Variants in DGKQ observed in about 807,000 individuals in gnomAD.
DGKQ encodes the protein DAG kinase theta.
A neutral mutation model predicts 104.2 loss-of-function variants in DGKQ; 97 were observed. The ratio of observed to expected loss-of-function variants is 0.93; its 90% CI spans 0.79 to 1.10. The LOEUF (loss-of-function observed/expected upper bound fraction) is 1.10. DGKQ is among the 50% of genes least tolerant of loss of function. The probability of loss-of-function intolerance (pLI) is 0.00; values close to 1 mark genes in which losing one functional copy is unlikely to be tolerated. For synonymous variants in DGKQ, 736 were observed against 595.2 expected, an observed-to-expected ratio of 1.24 and a Z score of -3.44; for missense variants, 1,465 against 1,352.1, an observed-to-expected ratio of 1.08 and a Z score of -1.31.
chr4:968,721 CCT>C, intron 3 of DGKQ, 88 bp downstream of exon 3: 2 of 1,390,302 alleles, frequency 1.4e-6, no homozygotes, highest in Non-Finnish European at 2.0e-6. Context: ...CCCCATCACC[CCT>C]GACAAGCTGC....
chr4:964,844 T>C (rs1712176663), intron 15 of DGKQ, among the ~76,000 whole-genome samples: 1 of 152,012 alleles, frequency 6.6e-6, no homozygotes, highest in Non-Finnish European at 1.5e-5. Flanking sequence ...CTGCGTCCTG[T>C]GGGCCTCCCT....
In DGKQ at chr4:967,732, C is replaced by T. The variant is rs926930746; in HGVS notation, c.882G>A (p.Glu294=). 1.9e-6 allele frequency: 3 copies of T among 1,611,246 alleles called. No individual in the cohort carries two copies. Among genetic ancestry groups the T allele is most frequent in the South Asian group, 2.2e-5 (2 of 90,966 alleles). ...GGGAATGAGGCGGGCACTTACCGGA[C>T]TCCGGAGTTGCCTGTGTCTCTCTGC... is the stretch of plus-strand genomic sequence containing the variant. The part of the protein sequence containing the change: ...GPGRETQATP[E]SGKQTLKIFD... The change falls in exon 7 of 23, where the codon GAG becomes GAA. Residue 294 remains glutamate, a synonymous_variant. Coordinates refer to ENST00000273814, the MANE Select transcript of DGKQ (RefSeq NM_001347.4).
rs79567290 is a variant in DGKQ at position 971,500 on chromosome 4, T to C, written c.272-428A>G. On this transcript the variant is annotated intron_variant, in intron 1 of 22. Transcript: ENST00000273814. The surrounding 1 kb of genome is among the most constrained non-coding windows in gnomAD (Gnocchi z 4.0). ...CCCCCGAAACTACGCATACCCCTAATTGTCCCTGCTACGTGCTGTGCACCG... is the reference window on the plus strand; with the variant it reads ...CCCCCGAAACTACGCATACCCCTAACTGTCCCTGCTACGTGCTGTGCACCG... Among the ~76,000 whole-genome samples, 639 of 152,268 alleles carry C rather than the reference T, an allele frequency of 4.2e-3. 2 individuals are homozygous for C. The highest frequency in any genetic ancestry group is 0.014 in the African/African-American group (598 of 41,552).
chr4:960,982 C>A, intron 22 of DGKQ, 67 bp downstream of exon 22: 2 of 1,587,022 alleles, frequency 1.3e-6, no homozygotes, highest in South Asian at 1.1e-5. Context: ...CTGGGTACCA[C>A]TGGCCACTCC....
At chr4:968,954 G>A (rs752827437) in intron 2 of DGKQ, 44 bp from the exon 3 acceptor site, 1 of 1,301,602 alleles carries the variant, frequency 7.7e-7, no homozygotes. Flanking sequence ...AAGGGCAACA[G>A]GCTGCCCGCC....
chr4:967,700 A>T (rs1712520973), intron 7 of DGKQ, 28 bp downstream of exon 7: 1 of 1,611,254 alleles, frequency 6.2e-7, no homozygotes, highest in Non-Finnish European at 8.5e-7. Context: ...ACCTCAGTGG[A>T]GTTGGGGGGA....
At chr4:968,971 C>G in intron 2 of DGKQ, 61 bp from the exon 3 acceptor site, 1 of 1,100,762 alleles carries the variant, frequency 9.1e-7, no homozygotes. Flanking sequence ...CGCCACCCCT[C>G]CTCGCTCTTC....
rs1713113077 is a variant in DGKQ, at chr4:973,520, C to T, written c.-38G>A. 1.0e-6 allele frequency: 1 copy of T among 986,170 alleles called. No homozygotes were observed. Among genetic ancestry groups the T allele is most frequent in the Non-Finnish European group, 1.2e-6 (1 of 830,688 alleles). The allele number at this position is 986,170 out of a possible 1,614,324, so 61.1% of individuals were successfully genotyped here. Reference sequence around the variant, plus strand: ...CGGCCCGAGCCCCTTTAGGTCCGCGCCGGGGGTACAGGAGCCGCCGCTCCA... The same window carrying T: ...CGGCCCGAGCCCCTTTAGGTCCGCGTCGGGGGTACAGGAGCCGCCGCTCCA... On this transcript the variant is annotated 5_prime_UTR_variant, in exon 1 of 23. Coordinates refer to ENST00000273814, the MANE Select transcript of DGKQ (RefSeq NM_001347.4).
chr4:960,434 CAT>C lies in DGKQ; in HGVS notation c.*184_*185del, dbSNP rs769750390. ...AGTGGGATGAGGGCTGTGACACCAA[CAT>C]GTGTCACCAATGGGATGAGGGCGGG... On this transcript the variant is annotated 3_prime_UTR_variant, in exon 23 of 23. Transcript: ENST00000273814. The C allele has an allele frequency of 9.8e-5, 59 of 605,070 alleles. No individual in the cohort carries two copies. The highest frequency in any genetic ancestry group is 8.1e-4 in the Middle Eastern group (2 of 2,472). The allele number at this position is 605,070 out of a possible 1,614,324, so 37.5% of individuals were successfully genotyped here.
chr4:961,057 C>T lies in DGKQ; in HGVS notation c.2719G>A (p.Gly907Ser). The change falls in exon 22 of 23, where the codon GGC becomes AGC. Residue 907 changes from glycine (G) to serine (S), a missense_variant. By Grantham distance (56) the Gly-to-Ser change is moderately conservative. Coordinates refer to ENST00000273814, the MANE Select transcript of DGKQ (RefSeq NM_001347.4). Reference sequence around the variant, plus strand: ...AGCCTCACCCCACATACCTTAGGGCCAGCAGCTGAGATGATCATGTGCCCC... The same window carrying T: ...AGCCTCACCCCACATACCTTAGGGCTAGCAGCTGAGATGATCATGTGCCCC... ...APGHMIISAA[G>S]PKVHMLRKAK... The T allele has an allele frequency of 6.2e-7, 1 of 1,612,288 alleles. No homozygotes were observed. Among genetic ancestry groups the T allele is most frequent in the Non-Finnish European group, 8.5e-7 (1 of 1,179,656 alleles).
Position 961,838 on chromosome 4 carries a change from C to G in DGKQ, c.2316-4G>C, listed in dbSNP as rs778052319. 2.5e-6 allele frequency: 4 copies of G among 1,592,170 alleles called. No homozygotes were observed. The African/African-American group carries it at 5.4e-5, about 21-fold the overall frequency. Reference sequence around the variant, plus strand: ...GTACACACCCTTGTTGTGCAGCCTGCAGGACGGGGCAGGTCACCCATCACC... The same window carrying G: ...GTACACACCCTTGTTGTGCAGCCTGGAGGACGGGGCAGGTCACCCATCACC... On this transcript the variant is annotated splice_region_variant and splice_polypyrimidine_tract_variant and intron_variant, in intron 19 of 22. Coordinates refer to ENST00000273814, the MANE Select transcript of DGKQ (RefSeq NM_001347.4).
chr4:969,254 C>A (rs3755958), intron 2 of DGKQ, among the ~76,000 whole-genome samples: 14,441 of 152,234 alleles, frequency 0.095, 945 homozygotes, highest in South Asian at 0.21. Flanking sequence ...CCCTGCCTAG[C>A]GCAGGGGAGC....
Position 968,302 on chromosome 4 carries a change from A to G in DGKQ, c.643T>C (p.Cys215Arg). The G allele has an allele frequency of 9.5e-7, 1 of 1,056,488 alleles. No homozygotes were observed. The highest frequency in any genetic ancestry group is 1.2e-6 in the Non-Finnish European group (1 of 869,256). The allele number at this position is 1,056,488 out of a possible 1,614,324, so 65.4% of individuals were successfully genotyped here. A position where few individuals can be genotyped will look rare whatever the true frequency, so the allele number is the denominator to read the frequency against. The part of the protein sequence containing the change: ...GSSDVLAGVR[C>R]EWCGVQAHSL... ...CCCACCTGGACCCCGCACCACTCGC[A>G]GCGCACGCCGGCCAGCACGTCAGAG... The change falls in exon 5 of 23, where the codon TGC becomes CGC. Residue 215 changes from cysteine (C) to arginine (R), a missense_variant. Transcript: ENST00000273814.
At position 965,917 on chromosome 4, in the gene DGKQ, A is replaced by T. The variant is rs1268303039; in HGVS notation, c.1579+11T>A. 1 of 1,586,772 alleles carries T rather than the reference A, an allele frequency of 6.3e-7. No homozygotes were observed. The highest frequency in any genetic ancestry group is 2.3e-5 in the East Asian group (1 of 44,120). ...GTGCCAGCAGCCCACGGCCAGCCAC[A>T]GTGGTCACACCTTTGGTAGCCCCGG... On this transcript the variant is annotated intron_variant, in intron 13 of 22. Transcript: ENST00000273814.
At chr4:961,625 G>C (rs569019139) in intron 20 of DGKQ, 47 bp from the exon 21 acceptor site, 2 of 1,610,266 alleles carry the variant, frequency 1.2e-6, no homozygotes, top group Non-Finnish European at 1.7e-6. Context: ...CAGGCAGGAC[G>C]AGGGCTGAGC....
In DGKQ at chr4:962,061, A is replaced by G; in HGVS notation, c.2236T>C (p.Cys746Arg). The G allele has an allele frequency of 1.2e-6, 2 of 1,612,508 alleles. No homozygotes were observed. The highest frequency in any genetic ancestry group is 1.7e-6 in the Non-Finnish European group (2 of 1,179,936). Residue 746 changes from cysteine to arginine, a missense_variant, in exon 19 of 23, where the codon TGT becomes CGT. Transcript: ENST00000273814. ...PPKIVQMSNY[C>R]GIGIDAELSL... ...AGCTCCGCGTCGATGCCAATGCCACAGTAGTTACTCATCTGCACGATCTGG... is the reference window on the plus strand; with the variant it reads ...AGCTCCGCGTCGATGCCAATGCCACGGTAGTTACTCATCTGCACGATCTGG...
At position 960,726 on chromosome 4, in the gene DGKQ, C is replaced by T. The variant is rs1405116654; in HGVS notation, c.2728-5G>A. ...GGCCTTCCTCAGCATGTGCACCTGT[C>T]CCAGGGCAGGGGACAGAGGACCAGG... On this transcript the variant is annotated splice_region_variant and splice_polypyrimidine_tract_variant and intron_variant, in intron 22 of 22. Coordinates refer to ENST00000273814, the MANE Select transcript of DGKQ (RefSeq NM_001347.4). The T allele has an allele frequency of 6.2e-7, 1 of 1,611,480 alleles. No homozygotes were observed. The highest frequency in any genetic ancestry group is 8.5e-7 in the Non-Finnish European group (1 of 1,179,498).
chr4:965,969 TCGGGAGACAGGC>T lies in DGKQ; in HGVS notation c.1526_1537del (p.Gly509_Pro512del), dbSNP rs1028054545. On this transcript the variant is annotated inframe_deletion, in exon 13 of 23. Transcript: ENST00000273814. The stretch of plus-strand genomic sequence containing the variant: ...CTCATGCAGCAGGCTGCTGTACTCC[TCGGGAGACAGGC>T]CGGGAGGCAGGCCGCCAACAAACAG... The T allele has an allele frequency of 1.2e-6, 2 of 1,605,464 alleles. No individual in the cohort carries two copies. Among genetic ancestry groups the T allele is most frequent in the African/African-American group, 2.7e-5 (2 of 74,826 alleles).
rs752723580 is a variant in DGKQ, at chr4:961,096, A to G, written c.2680T>C (p.Trp894Arg). The G allele has an allele frequency of 6.2e-7, 1 of 1,612,096 alleles. No individual in the cohort carries two copies. The highest frequency in any genetic ancestry group is 8.5e-7 in the Non-Finnish European group (1 of 1,179,532). ...ATCATGTGCCCCGGGGCCTGGACCC[A>G]GGGCTCCCCGTCCACCTGCACCGGG... ...ATPVQVDGEP[W>R]VQAPGHMIIS... Residue 894 changes from tryptophan (W) to arginine (R), a missense_variant, in exon 22 of 23, where the codon TGG (tryptophan) becomes CGG (arginine). Transcript: ENST00000273814.
Sources: gnomAD v4.1 joint callset for allele counts (sites outside exome capture counted in the v4.1 genomes callset) on GRCh38, gnomAD v4.1.1 for gene constraint, Gnocchi (gnomAD v3.1) non-coding constraint, MANE v1.5 for transcripts, NCBI Gene and HGNC (gene_info 2026-07-23, HGNC 2026-07-21) for gene names.